The following SACS variants were observed in gnomAD, a reference collection of about 807,000 sequenced individuals.
SACS encodes the protein sacsin molecular chaperone, also known as sacsin.
A neutral mutation model predicts 348.0 loss-of-function variants in SACS; 197 were observed. The ratio of observed to expected loss-of-function variants is 0.57; its 90% CI spans 0.50 to 0.64. The LOEUF (loss-of-function observed/expected upper bound fraction) is 0.64, where lower values mean the gene tolerates loss of function less well. SACS is among the 30% of genes least tolerant of loss of function. The pLI, the probability that SACS is intolerant of heterozygous loss-of-function variation, is 0.00. For missense variants in SACS, 4,999 were observed against 5,360.8 expected, an observed-to-expected ratio of 0.93 and a Z score of 2.11; for synonymous variants, 1,985 against 1,910.6, an observed-to-expected ratio of 1.04 and a Z score of -1.02.
intron 5 of SACS, among the ~76,000 whole-genome samples, chr13:23,367,676 T>C (rs1826762490): frequency 6.6e-6 from 1 of 152,064 alleles, no homozygotes; most frequent in Non-Finnish European, 1.5e-5. Flanking sequence ...CTCACTGCAA[T>C]CTCTGCCTCC....
intron 9 of SACS, among the ~76,000 whole-genome samples, chr13:23,343,830 C>T (rs1161789628): frequency 3.3e-5 from 5 of 152,158 alleles, no homozygotes; most frequent in Admixed American, 2.0e-4. Context: ...AAAAAGATGA[C>T]TTTATCTTCT....
rs147517201 is a variant in SACS, at chr13:23,338,508, C to A, written c.5368G>T (p.Ala1790Ser). 1.9e-6 allele frequency: 3 copies of A among 1,614,070 alleles called. No homozygotes were observed. Among genetic ancestry groups the A allele is most frequent in the Non-Finnish European group, 2.5e-6 (3 of 1,180,024 alleles). Reference sequence around the variant, plus strand: ...GACTTAGCCATTTCAAAGAGAGCAGCTGGGTCATCATCTGGACCTCTAAAA... The same window carrying A: ...GACTTAGCCATTTCAAAGAGAGCAGATGGGTCATCATCTGGACCTCTAAAA... Reference protein sequence around the residue: ...PLFRGPDDDPAALFEMAKSGQ... With the variant: ...PLFRGPDDDPSALFEMAKSGQ... The change falls in exon 10 of 10, where the codon GCT becomes TCT. Residue 1790 changes from alanine to serine, a missense_variant. By Grantham distance (99) the Ala-to-Ser change is moderately conservative (BLOSUM62 1). Around this residue, in one of 6 missense-constraint regions of SACS, gnomAD observed 3,156 missense variants for 3,380.1 expected, o/e 0.93. Transcript: ENST00000382292.
At position 23,341,567 on chromosome 13, in the gene SACS, T is replaced by G. The variant is rs1869226506; in HGVS notation, c.2309A>C (p.Asn770Thr). ...CCATGAAACAGATGGGTGATTTCTG[T>G]TTTCATCAAATGGATACCATTGAAC... ...LIVQWYPFDENRNHPSVSWLK... is the reference protein window; with the variant it reads ...LIVQWYPFDETRNHPSVSWLK... Residue 770 changes from asparagine (N) to threonine (T), a missense_variant, in exon 10 of 10, where the codon AAC (asparagine) becomes ACC (threonine). By Grantham distance (65) the Asn-to-Thr change is moderately conservative. Transcript: ENST00000382292. The G allele has an allele frequency of 6.2e-7, 1 of 1,613,958 alleles. No homozygotes were observed. Among genetic ancestry groups the G allele is most frequent in the Non-Finnish European group, 8.5e-7 (1 of 1,179,998 alleles).
rs1868922829 is a variant in SACS, at chr13:23,338,891, GTAC to G, written c.4982_4984del (p.Ser1661del). The G allele has an allele frequency of 1.9e-6, 3 of 1,612,902 alleles. No homozygotes were observed. Among genetic ancestry groups the G allele is most frequent in the Non-Finnish European group, 2.5e-6 (3 of 1,179,692 alleles). On this transcript the variant is annotated inframe_deletion, in exon 10 of 10. Coordinates refer to ENST00000382292, the MANE Select transcript of SACS (RefSeq NM_014363.6). Reference sequence around the variant, plus strand: ...ATAAATATCTGCTGTATTGTAGCACGTACTACTAACTTCACTCACTTTTGCTTC... The same window carrying G: ...ATAAATATCTGCTGTATTGTAGCACGTACTAACTTCACTCACTTTTGCTTC...
intron 1 of SACS, among the ~76,000 whole-genome samples, 152 bp downstream of exon 1, chr13:23,433,463 G>C (rs1874519275): frequency 6.6e-6 from 1 of 152,184 alleles, no homozygotes; most frequent in Admixed American, 6.5e-5. Context: ...AAGGAAAGTG[G>C]CCCCTTACCT....
chr13:23,358,320 A>T lies in SACS; in HGVS notation c.604+15T>A, dbSNP rs1870518097. 1 of 1,612,538 alleles carries T rather than the reference A, an allele frequency of 6.2e-7. No individual in the cohort carries two copies. Among genetic ancestry groups the T allele is most frequent in the Non-Finnish European group, 8.5e-7 (1 of 1,178,660 alleles). ...ATATTTTCTAATACCAAGACCGAAA[A>T]GCCTAATACTCTACCTGTTATATGA... On this transcript the variant is annotated intron_variant, in intron 7 of 9. Transcript: ENST00000382292.
chr13:23,330,605 G>A lies in SACS; in HGVS notation c.13271C>T (p.Ala4424Val), dbSNP rs1883403045. The change falls in exon 10 of 10, where the codon GCC (alanine) becomes GTC (valine). Residue 4424 changes from alanine (A) to valine (V), a missense_variant. This residue lies in a region of SACS where 254 missense variants were observed against 275.1 expected (regional missense o/e 0.92). Transcript: ENST00000382292. ...GAACCTTTGAGAGTAAGTCTGTCCG[G>A]CTGAAGGGGGGCATTTTTCTTTGTT... ...QQNKEKCPPS[A>V]GQTYSQRFFV... 4 of 1,613,718 alleles carry A rather than the reference G, an allele frequency of 2.5e-6. No homozygotes were observed. The Admixed American group carries it at 6.7e-5, about 27-fold the overall frequency.
At position 23,335,230 on chromosome 13, in the gene SACS, A is replaced by T; in HGVS notation, c.8646T>A (p.His2882Gln). The T allele has an allele frequency of 6.2e-7, 1 of 1,613,966 alleles. No individual in the cohort carries two copies. The highest frequency in any genetic ancestry group is 8.5e-7 in the Non-Finnish European group (1 of 1,179,912). ...AATCCAGTGCAAAGTGGCCATTCAC[A>T]TGAAATGGCAGCCCAGTCTCCAAAG... ...PLSLETGLPF[H>Q]VNGHFALDSA... Residue 2882 changes from histidine to glutamine, a missense_variant, in exon 10 of 10, where the codon CAT becomes CAA. Physicochemically the swap from His to Gln is conservative, Grantham distance 24. Coordinates refer to ENST00000382292, the MANE Select transcript of SACS (RefSeq NM_014363.6). The surrounding 1 kb of genome is among the most constrained non-coding windows in gnomAD (Gnocchi z 4.7).
At chr13:23,378,017 T>C (rs1473344508) in intron 2 of SACS, among the ~76,000 whole-genome samples, 1 of 152,236 alleles carries the variant, frequency 6.6e-6, no homozygotes, top group African/African-American at 2.4e-5. Flanking sequence ...TTCGCTTTTA[T>C]TTTTAGCGAC....
At chr13:23,374,608 T>G (rs1871623662) in intron 3 of SACS, among the ~76,000 whole-genome samples, 1 of 152,246 alleles carries the variant, frequency 6.6e-6, no homozygotes, top group Non-Finnish European at 1.5e-5. Flanking sequence ...TTTTCTGACC[T>G]ATCAAGTCAA....
In SACS at chr13:23,375,224, G is replaced by A. The variant is rs1394091047; in HGVS notation, c.66C>T (p.Thr22=). The part of the protein sequence containing the change: ...TVLPGCVGCR[T]VAALASWTVR... ...CGGTCCAGGACGCCAGCGCCGCGAC[G>A]GTCCTGCAGCCCACGCAGCCGGGGA... The change falls in exon 3 of 10, where the codon ACC becomes ACT. Residue 22 remains threonine (T), a synonymous_variant. Coordinates refer to ENST00000382292, the MANE Select transcript of SACS (RefSeq NM_014363.6). 7 of 1,494,782 alleles carry A rather than the reference G, an allele frequency of 4.7e-6. No homozygotes were observed. Among genetic ancestry groups the A allele is most frequent in the East Asian group, 3.0e-5 (1 of 33,838 alleles). 92.6% of individuals were successfully genotyped at this position (1,494,782 alleles called of 1,614,324 possible).
At position 23,339,435 on chromosome 13, in the gene SACS, G is replaced by C. The variant is rs762484886; in HGVS notation, c.4441C>G (p.Leu1481Val). 1 of 1,604,462 alleles carries C rather than the reference G, an allele frequency of 6.2e-7. No homozygotes were observed. The highest frequency in any genetic ancestry group is 8.5e-7 in the Non-Finnish European group (1 of 1,176,252). ...YPSVSDIFKE[L>V]LQNADDANAT... is the part of the protein sequence containing the mutation. ...TTTGCATCATCAGCGTTTTGAAGTA[G>C]TTCTTTAAAAATATCTGACACTGAA... Residue 1481 changes from leucine to valine, a missense_variant, in exon 10 of 10, where the codon CTA (leucine) becomes GTA (valine). This residue lies in a region of SACS where 3,156 missense variants were observed against 3,380.1 expected (regional missense o/e 0.93). Coordinates refer to ENST00000382292, the MANE Select transcript of SACS (RefSeq NM_014363.6).
At chr13:23,406,194 G>C (rs1281690176) in intron 2 of SACS, among the ~76,000 whole-genome samples, 3 of 152,342 alleles carry the variant, frequency 2.0e-5, no homozygotes, top group African/African-American at 7.2e-5. Flanking sequence ...GGAATACTAT[G>C]CAGCCATAAA....
At chr13:23,367,656 G>A (rs909325755) in intron 5 of SACS, among the ~76,000 whole-genome samples, 13 of 152,168 alleles carry the variant, frequency 8.5e-5, no homozygotes, top group African/African-American at 2.2e-4. Context: ...GTGCAGTGGC[G>A]CAATCTCGGC....
chr13:23,406,528 TA>T (rs34125645), intron 2 of SACS, among the ~76,000 whole-genome samples: 56,559 of 151,770 alleles, frequency 0.37, 11,835 homozygotes, highest in East Asian at 0.55. Context: ...TAAAGTATAA[TA>T]AAAAAAAGTT....
chr13:23,352,240 C>T (rs1027320170), intron 9 of SACS, among the ~76,000 whole-genome samples: 1 of 152,146 alleles, frequency 6.6e-6, no homozygotes, highest in African/African-American at 2.4e-5. Context: ...AGTAATAAAC[C>T]ACACAGTAAA....
Position 23,339,147 on chromosome 13 carries a change from A to G in SACS, c.4729T>C (p.Phe1577Leu). 1 of 1,611,986 alleles carries G rather than the reference A, an allele frequency of 6.2e-7. No individual in the cohort carries two copies. Among genetic ancestry groups the G allele is most frequent in the Non-Finnish European group, 8.5e-7 (1 of 1,178,688 alleles). ...ATGTTTGGATCGAACATTATCATGA[A>G]TTCCCGACTCATAATGATGGGAATG... ...TDIPIIMSRE[F>L]MIMFDPNINH... is the part of the protein sequence containing the mutation. Residue 1577 changes from phenylalanine to leucine, a missense_variant, in exon 10 of 10, where the codon TTC becomes CTC. Physicochemically the swap from Phe to Leu is conservative, Grantham distance 22 (BLOSUM62 0). Coordinates refer to ENST00000382292, the MANE Select transcript of SACS (RefSeq NM_014363.6).
intron 1 of SACS, among the ~76,000 whole-genome samples, chr13:23,417,333 C>T (rs1442267783): frequency 6.6e-6 from 1 of 152,128 alleles, no homozygotes; most frequent in Non-Finnish European, 1.5e-5. Flanking sequence ...AATAAAAACA[C>T]AATAACCAAA....
chr13:23,340,371 C>G lies in SACS; in HGVS notation c.3505G>C (p.Gly1169Arg). 1 of 1,614,054 alleles carries G rather than the reference C, an allele frequency of 6.2e-7. No homozygotes were observed. Among genetic ancestry groups the G allele is most frequent in the Non-Finnish European group, 8.5e-7 (1 of 1,179,984 alleles). The part of the protein sequence containing the change: ...ACKERPPNYP[G>R]SLVWKGDLCN... ...AGATCTCCTTTCCAGACCAAAGAGCCTGGATAATTTGGAGGCCTTTCCTTG... is the reference window on the plus strand; with the variant it reads ...AGATCTCCTTTCCAGACCAAAGAGCGTGGATAATTTGGAGGCCTTTCCTTG... The change falls in exon 10 of 10, where the codon GGC (glycine) becomes CGC (arginine). Residue 1169 changes from glycine to arginine, a missense_variant. Physicochemically the swap from Gly to Arg is moderately radical, Grantham distance 125. Around this residue, in one of 6 missense-constraint regions of SACS, gnomAD observed 3,156 missense variants for 3,380.1 expected, o/e 0.93. Coordinates refer to ENST00000382292, the MANE Select transcript of SACS (RefSeq NM_014363.6).
Sources: allele counts gnomAD v4.1 joint callset (sites outside exome capture counted in the v4.1 genomes callset), GRCh38; gene constraint gnomAD v4.1.1; regional missense constraint gnomAD v4.1.1; non-coding constraint Gnocchi (gnomAD v3.1); transcripts MANE v1.5; gene names NCBI Gene and HGNC (gene_info 2026-07-23, HGNC 2026-07-21).